The following DLEC1 variants were observed in gnomAD, a reference collection of about 807,000 sequenced individuals.
DLEC1 encodes the protein deleted in lung and esophageal cancer protein 1.
Under a neutral mutation model 198.1 loss-of-function variants are expected in DLEC1, and 146 were observed. That is an observed-to-expected ratio of 0.74 (90% confidence interval 0.64 to 0.85). The LOEUF is 0.85. Ranked by LOEUF, DLEC1 falls within the 40% of genes least tolerant of loss-of-function variation. DLEC1 has a pLI of 0.00. For missense variants in DLEC1, 2,233 were observed against 2,220.0 expected (o/e 1.01, Z -0.12); for synonymous variants, 897 against 866.8 (o/e 1.03, Z -0.61).
Position 38,084,265 on chromosome 3 carries a change from G to T in DLEC1, c.1261+20G>T. 1 of 1,599,520 alleles carries T rather than the reference G, an allele frequency of 6.3e-7. No individual in the cohort carries two copies. Among genetic ancestry groups the T allele is most frequent in the Non-Finnish European group, 8.6e-7 (1 of 1,168,688 alleles). Reference sequence around the variant, plus strand: ...GACTGGGTAAGTTCAGTATTTGTAAGTTCATTAGTAGTAGTGGTAATAGTA... The same window carrying T: ...GACTGGGTAAGTTCAGTATTTGTAATTTCATTAGTAGTAGTGGTAATAGTA... On this transcript the variant is annotated intron_variant, in intron 7 of 36. Coordinates refer to ENST00000308059, the MANE Select transcript of DLEC1 (RefSeq NM_007335.4).
At chr3:38,052,857 C>T (rs1701193946) in intron 2 of DLEC1, among the ~76,000 whole-genome samples, 4 of 152,190 alleles carry the variant, frequency 2.6e-5, no homozygotes, top group Admixed American at 6.5e-5. Context: ...CTGGACTGTA[C>T]TGCCGCCATC....
In DLEC1 at chr3:38,122,526, G is replaced by A; in HGVS notation, c.*114G>A. 1 of 1,611,632 alleles carries A rather than the reference G, an allele frequency of 6.2e-7. No homozygotes were observed. Among genetic ancestry groups the A allele is most frequent in the Non-Finnish European group, 8.5e-7 (1 of 1,179,472 alleles). ...GACTTGGGGACCTGGGGACCTCTGG[G>A]CAGCTCCTGGAATGGAAGAACCCCC... On this transcript the variant is annotated 3_prime_UTR_variant, in exon 37 of 37. Transcript: ENST00000308059.
At chr3:38,040,992 A>T (rs1353665384) in intron 1 of DLEC1, among the ~76,000 whole-genome samples, 1 of 151,678 alleles carries the variant, frequency 6.6e-6, no homozygotes, top group East Asian at 1.9e-4. Flanking sequence ...GGTGTGCACC[A>T]GTATGCCCAG....
In DLEC1 at chr3:38,111,681, A is replaced by G. The variant is rs9840172; in HGVS notation, c.3448A>G (p.Asn1150Asp). 2,368 of 1,613,212 alleles carry G rather than the reference A, an allele frequency of 1.5e-3. 34 individuals are homozygous for G. In the African/African-American group the frequency reaches 0.027, roughly 18 times the overall value. The change falls in exon 24 of 37, where the codon AAC becomes GAC. Residue 1150 changes from asparagine to aspartate, a missense_variant. Coordinates refer to ENST00000308059, the MANE Select transcript of DLEC1 (RefSeq NM_007335.4). ...TCTGTGTCTCCACTTGTAAAGTCCC[A>G]ACATGCCTCCTGCCCTGCTAAAGAC... ...NSLSKKTSLPNMPPALLKTVR... is the reference protein window; with the variant it reads ...NSLSKKTSLPDMPPALLKTVR...
intron 22 of DLEC1, 124 bp downstream of exon 22, chr3:38,109,686 CCA>C (rs1699760704): frequency 1.3e-6 from 2 of 1,506,230 alleles, no homozygotes; most frequent in Admixed American, 1.9e-5. Context: ...CAGGAAAACG[CCA>C]CAGTGTTATT....
Position 38,110,166 on chromosome 3 carries a change from A to G in DLEC1, c.3328A>G (p.Thr1110Ala), listed in dbSNP as rs748249528. 1 of 1,614,132 alleles carries G rather than the reference A, an allele frequency of 6.2e-7. No homozygotes were observed. Among genetic ancestry groups the G allele is most frequent in the Non-Finnish European group, 8.5e-7 (1 of 1,180,032 alleles). ...LDFGSAVPLRTRVTRQLILTN... is the reference protein window; with the variant it reads ...LDFGSAVPLRARVTRQLILTN... ...CTTTGGCTCAGCGGTGCCACTGAGG[A>G]CCCGTGTGACTCGCCAGCTCATTCT... Residue 1110 changes from threonine to alanine, a missense_variant, in exon 23 of 37, where the codon ACC becomes GCC. Transcript: ENST00000308059.
In DLEC1 at chr3:38,093,624, T is replaced by C; in HGVS notation, c.1776T>C (p.Ala592=). ...TGGCAGGAATTGGGCAGCTGATTGCTTTGGATCTGATCTATATTTCTGGTG... is the reference window on the plus strand; with the variant it reads ...TGGCAGGAATTGGGCAGCTGATTGCCTTGGATCTGATCTATATTTCTGGTG... ...LVTIGIGQLI[A]LDLIYISGEK... Residue 592 remains alanine, a synonymous_variant, in exon 12 of 37, where the codon GCT becomes GCC. Transcript: ENST00000308059. 1 of 1,614,232 alleles carries C rather than the reference T, an allele frequency of 6.2e-7. No individual in the cohort carries two copies. The highest frequency in any genetic ancestry group is 2.2e-5 in the East Asian group (1 of 44,884).
Position 38,122,803 on chromosome 3 carries a change from G to C in DLEC1, c.*391G>C. ...AATTAACCATGGCCTTGTGGCCTGG[G>C]TGACCCAGGCTGCTTTTATCTTGCA... is the stretch of plus-strand genomic sequence containing the variant. On this transcript the variant is annotated 3_prime_UTR_variant, in exon 37 of 37. Coordinates refer to ENST00000308059, the MANE Select transcript of DLEC1 (RefSeq NM_007335.4). 11 of 1,023,136 alleles carry C rather than the reference G, an allele frequency of 1.1e-5. No individual in the cohort carries two copies. The South Asian group carries it at 1.8e-4, about 16-fold the overall frequency. The allele number at this position is 1,023,136 out of a possible 1,614,324, so 63.4% of individuals were successfully genotyped here.
At chr3:38,040,302 A>G (rs1208067679) in intron 1 of DLEC1, among the ~76,000 whole-genome samples, 2 of 152,036 alleles carry the variant, frequency 1.3e-5, no homozygotes, top group Non-Finnish European at 2.9e-5. Flanking sequence ...AGCTTCAGTC[A>G]TTCCTTCACT....
chr3:38,108,294 C>T (rs1158777811), intron 20 of DLEC1, 111 bp from the exon 21 acceptor site: 3 of 888,792 alleles, frequency 3.4e-6, no homozygotes, highest in Non-Finnish European at 5.3e-6. Context: ...TGCTGTGGGC[C>T]CCAGTCTGCC....
At chr3:38,106,145 A>C (rs1423719850) in intron 19 of DLEC1, among the ~76,000 whole-genome samples, 3 of 152,228 alleles carry the variant, frequency 2.0e-5, no homozygotes, top group Non-Finnish European at 4.4e-5. Context: ...AGACAGTTTT[A>C]CAGTTATTGG....
chr3:38,112,359 A>T lies in DLEC1; in HGVS notation c.3664A>T (p.Thr1222Ser). The T allele has an allele frequency of 6.2e-7, 1 of 1,614,064 alleles. No homozygotes were observed. The highest frequency in any genetic ancestry group is 8.5e-7 in the Non-Finnish European group (1 of 1,179,972). The change falls in exon 25 of 37, where the codon ACG (threonine) becomes TCG (serine). Residue 1222 changes from threonine (T) to serine (S), a missense_variant and splice_region_variant. Thr to Ser is a moderately conservative substitution (Grantham distance 58). Coordinates refer to ENST00000308059, the MANE Select transcript of DLEC1 (RefSeq NM_007335.4). The surrounding 1 kb of genome is among the most constrained non-coding windows in gnomAD (Gnocchi z 4.8). Reference sequence around the variant, plus strand: ...CGAGTACTGGGACAACCTCATCTGCACGGTAAGGGTACACAAGAGGGCAGT... The same window carrying T: ...CGAGTACTGGGACAACCTCATCTGCTCGGTAAGGGTACACAAGAGGGCAGT... ...WGEYWDNLIC[T>S]VGDLLPEVIP... is the part of the protein sequence containing the mutation.
intron 2 of DLEC1, chr3:38,052,287 G>C: frequency 2.2e-6 from 1 of 461,728 alleles, no homozygotes; most frequent in Admixed American, 2.2e-5. Flanking sequence ...TCAACATAGA[G>C]AGCAGGCTGG....
intron 6 of DLEC1, among the ~76,000 whole-genome samples, chr3:38,070,002 C>T (rs1010409498): frequency 6.6e-6 from 1 of 152,176 alleles, no homozygotes; most frequent in Non-Finnish European, 1.5e-5. Context: ...GTGATGGAAA[C>T]ATGGCTTCTG....
rs748348900 is a variant in DLEC1, at chr3:38,093,706, C to G, written c.1858C>G (p.Arg620Gly). Reference protein sequence around the residue: ...LTDLTAQHFIRFEPENLRSTA... With the variant: ...LTDLTAQHFIGFEPENLRSTA... ...AGACTTAACAGCCCAGCACTTCATA[C>G]GATTTGAGCCTGAAAACCTTCGGTC... Residue 620 changes from arginine (R) to glycine (G), a missense_variant, in exon 12 of 37, where the codon CGA becomes GGA. Transcript: ENST00000308059. The G allele has an allele frequency of 1.9e-6, 3 of 1,614,180 alleles. No homozygotes were observed. Among genetic ancestry groups the G allele is most frequent in the Non-Finnish European group, 2.5e-6 (3 of 1,180,036 alleles).
chr3:38,088,071 T>C (rs940005738), intron 9 of DLEC1, among the ~76,000 whole-genome samples: 1 of 152,240 alleles, frequency 6.6e-6, no homozygotes, highest in Non-Finnish European at 1.5e-5. Context: ...ACAGATGTTC[T>C]AAGACTTACT....
intron 6 of DLEC1, 67 bp from the exon 7 acceptor site, chr3:38,084,091 C>T: frequency 3.4e-6 from 5 of 1,470,034 alleles, no homozygotes; most frequent in Non-Finnish European, 4.7e-6. Flanking sequence ...TAGAGTAAAT[C>T]CTGGACATCG....
chr3:38,088,218 G>C, intron 9 of DLEC1, 78 bp from the exon 10 acceptor site: 1 of 1,293,262 alleles, frequency 7.7e-7, no homozygotes, highest in Non-Finnish European at 1.1e-6. Flanking sequence ...ATGGATGTTT[G>C]AAGGAGAGAA....
rs147761996 is a variant in DLEC1, at chr3:38,105,517, A to G, written c.2865-2067A>G. 1.1e-3 allele frequency among the ~76,000 whole-genome samples: 167 copies of G among 152,254 alleles called. 1 individual carries two copies. Among genetic ancestry groups the G allele is most frequent in the Non-Finnish European group, 1.6e-3 (111 of 67,996 alleles). On this transcript the variant is annotated intron_variant, in intron 19 of 36. Transcript: ENST00000308059. ...ATTTATCTTTTTATAATTATAAAATATCCTTCATTGTCTCTAATAACCATT... is the reference window on the plus strand; with the variant it reads ...ATTTATCTTTTTATAATTATAAAATGTCCTTCATTGTCTCTAATAACCATT...
Sources: gnomAD v4.1 joint callset for allele counts (sites outside exome capture counted in the v4.1 genomes callset) on GRCh38, gnomAD v4.1.1 for gene constraint, Gnocchi (gnomAD v3.1) non-coding constraint, MANE v1.5 for transcripts, NCBI Gene and HGNC (gene_info 2026-07-23, HGNC 2026-07-21) for gene names.